The following GRB14 variants were observed in gnomAD, a reference collection of about 807,000 sequenced individuals.
GRB14 encodes growth factor receptor bound protein 14.
In GRB14, 38 loss-of-function variants were observed where a neutral mutation model predicts 69.1. The ratio of observed to expected loss-of-function variants is 0.55; its 90% confidence interval spans 0.42 to 0.72. The LOEUF (loss-of-function observed/expected upper bound fraction) is 0.72, where lower values mean the gene tolerates loss of function less well. Ranked by LOEUF, GRB14 falls within the 30% of genes least tolerant of loss-of-function variation. The probability of loss-of-function intolerance (pLI) is 0.00; values close to 1 mark genes in which losing one functional copy is unlikely to be tolerated. For missense variants in GRB14, 666 were observed against 666.1 expected, an observed-to-expected ratio of 1.00 and a Z score of 0.00; for synonymous variants, 247 against 241.3, an observed-to-expected ratio of 1.02 and a Z score of -0.22.
At chr2:164,600,108 G>A (rs116062769) in intron 2 of GRB14, among the ~76,000 whole-genome samples, 158 of 152,200 alleles carry the variant, frequency 1.0e-3, no homozygotes, top group African/African-American at 3.7e-3. Context: ...GGTTCCTTGT[G>A]TCATTTAAAG....
chr2:164,558,970 A>G (rs1688752621), intron 2 of GRB14, among the ~76,000 whole-genome samples: 1 of 152,188 alleles, frequency 6.6e-6, no homozygotes, highest in Admixed American at 6.6e-5. Context: ...ATTTTTTAAA[A>G]GCACATTTTT....
intron 6 of GRB14, among the ~76,000 whole-genome samples, chr2:164,521,644 A>C (rs934398261): frequency 6.6e-6 from 1 of 152,094 alleles, no homozygotes; most frequent in Non-Finnish European, 1.5e-5. Context: ...CAGCAGTATG[A>C]CCTGGGGTAA....
At chr2:164,552,048 A>G (rs2105314482) in intron 2 of GRB14, among the ~76,000 whole-genome samples, 1 of 152,264 alleles carries the variant, frequency 6.6e-6, no homozygotes, top group East Asian at 1.9e-4. Flanking sequence ...AGGGCGGTGT[A>G]AGATGCTTTT....
At chr2:164,557,774 A>G (rs1384975397) in intron 2 of GRB14, among the ~76,000 whole-genome samples, 1 of 152,186 alleles carries the variant, frequency 6.6e-6, no homozygotes, top group Non-Finnish European at 1.5e-5. Flanking sequence ...CAGCCCTGGT[A>G]TAGATTTGTA....
At chr2:164,515,078 C>T (rs1687444873) in intron 6 of GRB14, among the ~76,000 whole-genome samples, 1 of 152,164 alleles carries the variant, frequency 6.6e-6, no homozygotes, top group Admixed American at 6.5e-5. Context: ...AGAGTCTGAG[C>T]TCAGACATGC....
At position 164,513,646 on chromosome 2, in the gene GRB14, C is replaced by A. The variant is rs562635417; in HGVS notation, c.817-4794G>T. Among the ~76,000 whole-genome samples, 8 of 152,202 alleles carry A rather than the reference C, an allele frequency of 5.3e-5. No individual in the cohort carries two copies. The South Asian group carries it at 1.5e-3, about 28-fold the overall frequency. The stretch of plus-strand genomic sequence containing the variant: ...CTAGTATGAAAAAAAGATGAGTTTG[C>A]AGATTGAATGTGTGTGCTAAGAATC... On this transcript the variant is annotated intron_variant, in intron 6 of 13. Transcript: ENST00000263915.
At chr2:164,597,305 C>T (rs868448077) in intron 2 of GRB14, among the ~76,000 whole-genome samples, 10 of 152,182 alleles carry the variant, frequency 6.6e-5, no homozygotes, top group Admixed American at 3.3e-4. Flanking sequence ...ATTTCACCCT[C>T]TTTCATAGTG....
intron 2 of GRB14, among the ~76,000 whole-genome samples, chr2:164,612,661 A>C (rs1177858559): frequency 6.6e-6 from 1 of 152,218 alleles, no homozygotes; most frequent in Non-Finnish European, 1.5e-5. Context: ...TTTTCAAAGC[A>C]ATATCCATAA....
At chr2:164,513,643 T>C (rs1221518072) in intron 6 of GRB14, among the ~76,000 whole-genome samples, 1 of 152,160 alleles carries the variant, frequency 6.6e-6, no homozygotes, top group Non-Finnish European at 1.5e-5. Context: ...AAAGATGAGT[T>C]TGCAGATTGA....
intron 8 of GRB14, among the ~76,000 whole-genome samples, chr2:164,505,286 T>C (rs536570402): frequency 6.6e-6 from 1 of 152,286 alleles, no homozygotes; most frequent in East Asian, 1.9e-4. Flanking sequence ...AAAATAAGCC[T>C]CATTGAAATG....
At chr2:164,546,021 G>A (rs989523355) in intron 3 of GRB14, among the ~76,000 whole-genome samples, 12 of 152,194 alleles carry the variant, frequency 7.9e-5, no homozygotes, top group African/African-American at 2.9e-4. Flanking sequence ...GAGAACCACT[G>A]CTATGGATAT....
chr2:164,543,719 A>T (rs1235367065), intron 3 of GRB14, among the ~76,000 whole-genome samples: 1 of 152,182 alleles, frequency 6.6e-6, no homozygotes, highest in Non-Finnish European at 1.5e-5. Context: ...GAAAAAAACC[A>T]CTGTAGTTCT....
intron 2 of GRB14, among the ~76,000 whole-genome samples, chr2:164,553,086 G>A (rs1688586317): frequency 6.6e-6 from 1 of 152,138 alleles, no homozygotes; most frequent in Non-Finnish European, 1.5e-5. Context: ...CCTACAGTAA[G>A]CTCTCATCAC....
chr2:164,541,338 G>C (rs1242658599), intron 3 of GRB14, among the ~76,000 whole-genome samples: 1 of 151,886 alleles, frequency 6.6e-6, no homozygotes, highest in Non-Finnish European at 1.5e-5. Flanking sequence ...TGGGCGTGGT[G>C]GTGGGTGCCT....
In GRB14 at chr2:164,508,405, T is replaced by C. The variant is rs1442767658; in HGVS notation, c.1023+50A>G. ...CTGAAATACAGATATTTTCTAACTT[T>C]TATGGTACTCACAGCAGTTAATAGA... On this transcript the variant is annotated intron_variant, in intron 8 of 13. Coordinates refer to ENST00000263915, the MANE Select transcript of GRB14 (RefSeq NM_004490.3). The C allele has an allele frequency of 4.8e-5, 69 of 1,426,508 alleles. No individual in the cohort carries two copies. The Admixed American group carries it at 1.1e-3, about 24-fold the overall frequency. 88.4% of individuals were successfully genotyped at this position (1,426,508 alleles called of 1,614,324 possible). A position where few individuals can be genotyped will look rare whatever the true frequency, so the allele number is the denominator to read the frequency against.
At chr2:164,530,725 T>C (rs980363684) in intron 3 of GRB14, among the ~76,000 whole-genome samples, 1 of 151,828 alleles carries the variant, frequency 6.6e-6, no homozygotes, top group South Asian at 2.1e-4. Flanking sequence ...GGAAAAGGGG[T>C]TATCCCAGGA....
chr2:164,552,135 G>C (rs901993804), intron 2 of GRB14, among the ~76,000 whole-genome samples: 4 of 152,214 alleles, frequency 2.6e-5, no homozygotes, highest in African/African-American at 9.7e-5. Flanking sequence ...CATTCATGAG[G>C]AATCTGTCCC....
intron 2 of GRB14, among the ~76,000 whole-genome samples, chr2:164,610,614 A>T (rs1690144660): frequency 6.6e-6 from 1 of 152,046 alleles, no homozygotes; most frequent in Admixed American, 6.5e-5. Flanking sequence ...TTTTATTCTA[A>T]TTTAATGAAG....
At chr2:164,574,630 G>T (rs1220455667) in intron 2 of GRB14, among the ~76,000 whole-genome samples, 1 of 152,014 alleles carries the variant, frequency 6.6e-6, no homozygotes, top group South Asian at 2.1e-4. Context: ...TAAAATATAA[G>T]ACTTTTTTGT....
Sources: allele counts gnomAD v4.1 joint callset (sites outside exome capture counted in the v4.1 genomes callset), GRCh38; gene constraint gnomAD v4.1.1; transcripts MANE v1.5; gene names NCBI Gene and HGNC (gene_info 2026-07-23, HGNC 2026-07-21).